NRG1: variants seen among roughly 807,000 people sequenced by gnomAD.
The protein encoded by NRG1 is neuregulin 1.
In NRG1, 18 loss-of-function variants were observed where a neutral mutation model predicts 63.8. The observed-to-expected ratio is 0.28, with a 90% CI of 0.19 to 0.42. NRG1 has a LOEUF of 0.42. Ranked by LOEUF, NRG1 falls within the 10% of genes least tolerant of loss-of-function variation. The probability of loss-of-function intolerance (pLI) is 1.00; values close to 1 mark genes in which losing one functional copy is unlikely to be tolerated. For synonymous variants in NRG1, 302 were observed against 301.3 expected (o/e 1.00, Z -0.02); for missense variants, 762 against 814.7 (o/e 0.94, Z 0.79).
intron 5 of NRG1, among the ~76,000 whole-genome samples, chr8:32,657,920 C>A (rs1801923130): frequency 6.6e-6 from 1 of 152,108 alleles, no homozygotes; most frequent in East Asian, 1.9e-4. Flanking sequence ...TCCTATGATT[C>A]TTCAAAAGGA....
intron 1 of NRG1, among the ~76,000 whole-genome samples, chr8:31,861,638 A>G (rs1312397742): frequency 1.3e-5 from 2 of 152,202 alleles, no homozygotes; most frequent in Admixed American, 1.3e-4. Flanking sequence ...GATGAAAGAT[A>G]GTAGGCACAG....
chr8:32,617,259 C>T (rs966810189), intron 5 of NRG1, among the ~76,000 whole-genome samples: 1 of 152,192 alleles, frequency 6.6e-6, no homozygotes, highest in Non-Finnish European at 1.5e-5. Context: ...AGGCATGATA[C>T]CCAGCTGTTT....
At chr8:32,664,645 G>C (rs751941679) in intron 5 of NRG1, among the ~76,000 whole-genome samples, 5 of 152,054 alleles carry the variant, frequency 3.3e-5, no homozygotes, top group Non-Finnish European at 7.4e-5. Context: ...TGATGATGAT[G>C]ATGATGAAGA....
At chr8:31,814,591 A>T (rs1823256234) in intron 1 of NRG1, among the ~76,000 whole-genome samples, 1 of 151,836 alleles carries the variant, frequency 6.6e-6, no homozygotes, top group Non-Finnish European at 1.5e-5. Context: ...TGGGAATATT[A>T]TATGGCTGTG....
intron 1 of NRG1, chr8:32,030,327 T>A (rs1156810537): frequency 6.6e-6 from 1 of 152,166 alleles, no homozygotes; most frequent in African/African-American, 2.4e-5. Flanking sequence ...GGTTTGGGAA[T>A]CTCAGAAATG....
intron 1 of NRG1, among the ~76,000 whole-genome samples, chr8:32,594,856 A>G (rs909363259): frequency 3.9e-5 from 6 of 152,232 alleles, no homozygotes; most frequent in African/African-American, 1.2e-4. Context: ...TGTATGGGAT[A>G]GAAACTCTGT....
chr8:32,465,439 A>C (rs578126775), intron 1 of NRG1, among the ~76,000 whole-genome samples: 1 of 152,344 alleles, frequency 6.6e-6, no homozygotes, highest in Non-Finnish European at 1.5e-5. Flanking sequence ...TCCCTTGAGC[A>C]AGCCCGCTTA....
chr8:31,927,806 T>A (rs754843532), intron 1 of NRG1, among the ~76,000 whole-genome samples: 5 of 151,366 alleles, frequency 3.3e-5, no homozygotes, highest in Non-Finnish European at 7.4e-5. Context: ...CAACCAAAGT[T>A]GAGGAATTTG....
At chr8:32,522,352 T>C (rs1830420730) in intron 1 of NRG1, among the ~76,000 whole-genome samples, 1 of 152,196 alleles carries the variant, frequency 6.6e-6, no homozygotes, top group Non-Finnish European at 1.5e-5. Context: ...AATTTTTCTC[T>C]CTTTACCTCC....
intron 1 of NRG1, among the ~76,000 whole-genome samples, chr8:32,128,334 G>C (rs1328384544): frequency 6.6e-6 from 1 of 151,910 alleles, no homozygotes; most frequent in Non-Finnish European, 1.5e-5. Flanking sequence ...ATTTTAATTA[G>C]AGGGCAATGT....
chr8:32,208,912 C>A (rs1405939054), intron 1 of NRG1, among the ~76,000 whole-genome samples: 1 of 152,122 alleles, frequency 6.6e-6, no homozygotes, highest in Non-Finnish European at 1.5e-5. Context: ...CTTATACATA[C>A]CTTCCAATAT....
At chr8:32,314,955 C>G (rs1237119363) in intron 1 of NRG1, among the ~76,000 whole-genome samples, 1 of 152,206 alleles carries the variant, frequency 6.6e-6, no homozygotes, top group Non-Finnish European at 1.5e-5. Flanking sequence ...CTAATTCTGA[C>G]TGTTCTGGTT....
At chr8:31,639,516 C>G in intron 1 of NRG1, 2 of 1,509,296 alleles carry the variant, frequency 1.3e-6, no homozygotes, top group Non-Finnish European at 1.8e-6. Flanking sequence ...CTCCAGGGCT[C>G]TCTCCCTCGC....
intron 1 of NRG1, among the ~76,000 whole-genome samples, chr8:31,743,227 A>G (rs1815481186): frequency 6.6e-6 from 1 of 151,940 alleles, no homozygotes; most frequent in South Asian, 2.1e-4. Flanking sequence ...GACACATAAC[A>G]TTCACTGGTA....
chr8:31,787,010 C>T (rs2131639210), intron 1 of NRG1, among the ~76,000 whole-genome samples: 1 of 152,196 alleles, frequency 6.6e-6, no homozygotes, highest in Middle Eastern at 3.4e-3. Context: ...TTTGGTCTAT[C>T]CAGTGACCAG....
chr8:31,667,045 C>A (rs539930533), intron 1 of NRG1, among the ~76,000 whole-genome samples: 1 of 152,130 alleles, frequency 6.6e-6, no homozygotes, highest in African/African-American at 2.4e-5. Flanking sequence ...GCAGGCTGTC[C>A]GGCTCCAGTG....
chr8:31,722,755 A>G (rs926828218), intron 1 of NRG1, among the ~76,000 whole-genome samples: 1 of 152,148 alleles, frequency 6.6e-6, no homozygotes, highest in African/African-American at 2.4e-5. Context: ...TGACCTAATG[A>G]AAAGAGCTTA....
intron 1 of NRG1, among the ~76,000 whole-genome samples, chr8:32,103,053 A>G (rs1040391868): frequency 6.6e-6 from 1 of 152,182 alleles, no homozygotes; most frequent in Non-Finnish European, 1.5e-5. Flanking sequence ...CAATTCAATT[A>G]TGTTTTTTAA....
chr8:31,696,305 G>T (rs1336664278), intron 1 of NRG1, among the ~76,000 whole-genome samples: 2 of 152,214 alleles, frequency 1.3e-5, no homozygotes, highest in Non-Finnish European at 2.9e-5. Flanking sequence ...GACGTCAAGT[G>T]ATCTGCCTGC....
Sources: gnomAD v4.1 joint callset for allele counts (sites outside exome capture counted in the v4.1 genomes callset) on GRCh38, gnomAD v4.1.1 for gene constraint, MANE v1.5 for transcripts, NCBI Gene and HGNC (gene_info 2026-07-23, HGNC 2026-07-21) for gene names.